Variants in RGS21 observed in about 807,000 individuals in gnomAD.
RGS21 encodes the protein regulator of G-protein signalling 21.
A neutral mutation model predicts 18.7 loss-of-function variants in RGS21; 19 were observed. That is an observed-to-expected ratio of 1.01 (90% CI 0.71 to 1.49). RGS21 has a LOEUF of 1.49. Ranked by LOEUF, RGS21 falls within the 40% of genes most tolerant of loss-of-function variation. The probability of loss-of-function intolerance (pLI) is 0.00; values close to 1 mark genes in which losing one functional copy is unlikely to be tolerated. For missense variants in RGS21, 194 were observed against 176.8 expected, an observed-to-expected ratio of 1.10 and a Z score of -0.55; for synonymous variants, 56 against 57.8, an observed-to-expected ratio of 0.97 and a Z score of 0.14.
intron 1 of RGS21, among the ~76,000 whole-genome samples, chr1:192,341,153 A>G (rs1020548178): frequency 6.6e-6 from 1 of 151,812 alleles, no homozygotes; most frequent in Non-Finnish European, 1.5e-5. Flanking sequence ...TCACTCCAAC[A>G]TCTTGTTTTC....
intron 1 of RGS21, among the ~76,000 whole-genome samples, chr1:192,326,680 C>A (rs2102222878): frequency 6.6e-6 from 1 of 152,176 alleles, no homozygotes; most frequent in Non-Finnish European, 1.5e-5. Context: ...CCTGTTGAAA[C>A]AAAAGTATTT....
At chr1:192,327,770 G>A (rs969152146) in intron 1 of RGS21, among the ~76,000 whole-genome samples, 7 of 152,046 alleles carry the variant, frequency 4.6e-5, no homozygotes, top group Non-Finnish European at 8.8e-5. Flanking sequence ...ACCACTGGAG[G>A]CCACAAAAAA....
At chr1:192,364,514 T>C (rs1051957932) in intron 4 of RGS21, among the ~76,000 whole-genome samples, 17 of 152,220 alleles carry the variant, frequency 1.1e-4, no homozygotes, top group African/African-American at 2.9e-4. Context: ...ACTATGGAAA[T>C]TGAAAATTAA....
At chr1:192,364,572 C>T (rs542209073) in intron 4 of RGS21, among the ~76,000 whole-genome samples, 1 of 152,182 alleles carries the variant, frequency 6.6e-6, no homozygotes, top group East Asian at 1.9e-4. Context: ...AAGTAAGTAG[C>T]TGAGGAGGAA....
At chr1:192,361,824 G>A (rs897324764) in intron 4 of RGS21, among the ~76,000 whole-genome samples, 47 of 152,088 alleles carry the variant, frequency 3.1e-4, no homozygotes, top group African/African-American at 1.1e-3. Context: ...TGGAATTACA[G>A]GCATGAGCCA....
chr1:192,328,167 A>G (rs1658595914), intron 1 of RGS21, among the ~76,000 whole-genome samples: 1 of 152,186 alleles, frequency 6.6e-6, no homozygotes, highest in Non-Finnish European at 1.5e-5. Flanking sequence ...TTGATCCTTT[A>G]ACTGTATTCT....
chr1:192,329,738 AG>A (rs1658618738), intron 1 of RGS21, among the ~76,000 whole-genome samples: 1 of 149,850 alleles, frequency 6.7e-6, no homozygotes, highest in Non-Finnish European at 1.5e-5. Flanking sequence ...AGATGAGAAA[AG>A]GGGGTCAGCA....
rs762904626 is a variant in RGS21, at chr1:192,352,035, T to C, written c.89-12T>C. 3 of 1,541,768 alleles carry C rather than the reference T, an allele frequency of 1.9e-6. No individual in the cohort carries two copies. The South Asian group carries it at 3.7e-5, about 19-fold the overall frequency. ...TGCTATTATACAAAACTTTTTCTCA[T>C]ATATTTTATAGCTGGTCTAGATGCT... On this transcript the variant is annotated splice_polypyrimidine_tract_variant and intron_variant, in intron 3 of 4. Transcript: ENST00000417209.
At chr1:192,338,575 C>G (rs1658805868) in intron 1 of RGS21, among the ~76,000 whole-genome samples, 1 of 152,056 alleles carries the variant, frequency 6.6e-6, no homozygotes, top group Non-Finnish European at 1.5e-5. Flanking sequence ...ACAAATTTCA[C>G]AGTATTTTAT....
intron 1 of RGS21, among the ~76,000 whole-genome samples, chr1:192,330,762 C>A (rs1278244285): frequency 6.6e-6 from 1 of 152,142 alleles, no homozygotes; most frequent in Non-Finnish European, 1.5e-5. Context: ...TGAGACCTGA[C>A]AAGTCATTAT....
At chr1:192,339,404 T>A (rs149436802) in intron 1 of RGS21, among the ~76,000 whole-genome samples, 1 of 152,274 alleles carries the variant, frequency 6.6e-6, no homozygotes, top group Admixed American at 6.5e-5. Context: ...TTAAATGCTC[T>A]ATATTGTCTT....
intron 1 of RGS21, among the ~76,000 whole-genome samples, chr1:192,339,096 G>A (rs1033077724): frequency 6.6e-6 from 1 of 151,846 alleles, no homozygotes; most frequent in Non-Finnish European, 1.5e-5. Context: ...TTTCTGACAC[G>A]TATTTCTGAA....
chr1:192,319,457 A>G (rs1439383699), intron 1 of RGS21, among the ~76,000 whole-genome samples: 1 of 152,164 alleles, frequency 6.6e-6, no homozygotes, highest in African/African-American at 2.4e-5. Context: ...TGATATTTGG[A>G]AAGAATTTTA....
intron 1 of RGS21, among the ~76,000 whole-genome samples, chr1:192,333,637 A>C (rs1658696900): frequency 2.1e-5 from 1 of 48,278 alleles, no homozygotes; most frequent in Admixed American, 1.5e-4. Flanking sequence ...ACAAAAAAAA[A>C]AAAAAAAAAA....
At chr1:192,362,620 C>T (rs1437326374) in intron 4 of RGS21, among the ~76,000 whole-genome samples, 1 of 152,154 alleles carries the variant, frequency 6.6e-6, no homozygotes, top group Non-Finnish European at 1.5e-5. Flanking sequence ...CTTTATAAGA[C>T]TACTGATCAT....
chr1:192,360,977 AC>A (rs1332453534), intron 4 of RGS21, among the ~76,000 whole-genome samples: 1 of 152,030 alleles, frequency 6.6e-6, no homozygotes, highest in East Asian at 1.9e-4. Flanking sequence ...GTTCCTAAGC[AC>A]CTACTCCATA....
rs10638712 is a variant in RGS21, at chr1:192,359,655, G to GTATATATATATATATA, written c.256-6258_256-6243dup. On this transcript the variant is annotated intron_variant, in intron 4 of 4. Transcript: ENST00000417209. Reference sequence around the variant, plus strand: ...TATATATGTTTATATGTGTGTGTGTGTATATATATATATATATATATATTC... The same window carrying GTATATATATATATATA: ...TATATATGTTTATATGTGTGTGTGTGTATATATATATATATATATATATATATATATATATATATTC... 8.3e-4 allele frequency among the ~76,000 whole-genome samples: 103 copies of GTATATATATATATATA among 124,258 alleles called. 1 individual carries two copies. The highest frequency in any genetic ancestry group is 1.7e-3 in the African/African-American group (56 of 33,586). The allele number at this position is 124,258 out of a possible 152,430, so 81.5% of individuals were successfully genotyped here.
At chr1:192,362,618 G>T (rs116288831) in intron 4 of RGS21, among the ~76,000 whole-genome samples, 1,814 of 152,190 alleles carry the variant, frequency 0.012, 41 homozygotes, top group African/African-American at 0.041. Flanking sequence ...AGCTTTATAA[G>T]ACTACTGATC....
intron 1 of RGS21, among the ~76,000 whole-genome samples, chr1:192,333,940 C>T (rs1200558864): frequency 6.6e-6 from 1 of 152,000 alleles, no homozygotes; most frequent in Non-Finnish European, 1.5e-5. Context: ...TTATATCTGC[C>T]TGTGAATATA....
Sources: gnomAD v4.1 joint callset for allele counts (sites outside exome capture counted in the v4.1 genomes callset) on GRCh38, gnomAD v4.1.1 for gene constraint, MANE v1.5 for transcripts, NCBI Gene and HGNC (gene_info 2026-07-23, HGNC 2026-07-21) for gene names.